The following ARHGAP31 variants were observed in gnomAD, a reference collection of about 807,000 sequenced individuals.
ARHGAP31 encodes the protein Rho GTPase activating protein 31, also known as rho GTPase-activating protein 31.
ARHGAP31 carries 34 observed loss-of-function variants against 113.9 expected under a neutral mutation model. The ratio of observed to expected loss-of-function variants is 0.30; its 90% CI spans 0.23 to 0.40. ARHGAP31 has a LOEUF of 0.40. Among genes scored for constraint, ARHGAP31 ranks in the 10% least tolerant of loss-of-function variants. The pLI is 1.00. For synonymous variants in ARHGAP31, 650 were observed against 684.8 expected, an observed-to-expected ratio of 0.95 and a Z score of 0.79; for missense variants, 1,548 against 1,767.1, an observed-to-expected ratio of 0.88 and a Z score of 2.22.
intron 1 of ARHGAP31, among the ~76,000 whole-genome samples, chr3:119,349,150 G>A (rs2080088708): frequency 6.6e-6 from 1 of 152,038 alleles, no homozygotes; most frequent in South Asian, 2.1e-4. Context: ...TCTCTCTGCA[G>A]AAAGCATATC....
At position 119,315,239 on chromosome 3, in the gene ARHGAP31, C is replaced by CA. The variant is rs2079719354; in HGVS notation, c.100+20237dup. ...TAATAATGTTTATAGTTTGAAAAACCAACAAGAATATTTTCATTTTATAAA... is the reference window on the plus strand; with the variant it reads ...TAATAATGTTTATAGTTTGAAAAACCAAACAAGAATATTTTCATTTTATAAA... On this transcript the variant is annotated intron_variant, in intron 1 of 11. Coordinates refer to ENST00000264245, the MANE Select transcript of ARHGAP31 (RefSeq NM_020754.4). Among the ~76,000 whole-genome samples the CA allele has an allele frequency of 2.0e-5, 3 of 152,222 alleles. No individual in the cohort carries two copies. The South Asian group carries it at 6.2e-4, about 32-fold the overall frequency.
At chr3:119,390,566 C>T (rs2107635397) in intron 6 of ARHGAP31, among the ~76,000 whole-genome samples, 1 of 152,322 alleles carries the variant, frequency 6.6e-6, no homozygotes, top group Middle Eastern at 3.4e-3. Flanking sequence ...GTGCAGCTAC[C>T]TCCTGAAGCC....
In ARHGAP31 at chr3:119,415,057, G is replaced by A. The variant is rs768824252; in HGVS notation, c.3128G>A (p.Gly1043Glu). 4.3e-6 allele frequency: 7 copies of A among 1,614,072 alleles called. No homozygotes were observed. The African/African-American group carries it at 6.7e-5, about 15-fold the overall frequency. Residue 1043 changes from glycine (G) to glutamate (E), a missense_variant, in exon 12 of 12, where the codon GGA (glycine) becomes GAA (glutamate). Coordinates refer to ENST00000264245, the MANE Select transcript of ARHGAP31 (RefSeq NM_020754.4). ...ACCAGCCCCATCAGCCTAGCAGAGG[G>A]AAAGGAGCTAGGGACACACCTGGGG... is the stretch of plus-strand genomic sequence containing the variant. ...AETSPISLAE[G>E]KELGTHLGHS...
intron 1 of ARHGAP31, among the ~76,000 whole-genome samples, chr3:119,337,578 G>T (rs2107610939): frequency 6.6e-6 from 1 of 152,308 alleles, no homozygotes; most frequent in Non-Finnish European, 1.5e-5. Context: ...CCCACATCCT[G>T]CTGATTGGTC....
chr3:119,310,899 G>A (rs555143365), intron 1 of ARHGAP31, among the ~76,000 whole-genome samples: 5 of 152,220 alleles, frequency 3.3e-5, no homozygotes, highest in South Asian at 4.1e-4. Context: ...CCCTAAATTG[G>A]AATTAACTGA....
chr3:119,325,761 C>T (rs1055826065), intron 1 of ARHGAP31, among the ~76,000 whole-genome samples: 2 of 152,172 alleles, frequency 1.3e-5, no homozygotes, highest in African/African-American at 4.8e-5. Context: ...GAGAGAGGAG[C>T]TACCAGTAAT....
intron 1 of ARHGAP31, among the ~76,000 whole-genome samples, chr3:119,348,181 C>T (rs2080077511): frequency 6.6e-6 from 1 of 152,188 alleles, no homozygotes; most frequent in Admixed American, 6.5e-5. Context: ...TTGCAGGCTC[C>T]TTGTGAGAAT....
At chr3:119,400,721 T>C (rs2080597052) in intron 9 of ARHGAP31, among the ~76,000 whole-genome samples, 1 of 152,176 alleles carries the variant, frequency 6.6e-6, no homozygotes, top group Admixed American at 6.5e-5. Context: ...TACAGGGTGG[T>C]CATAAGAATT....
chr3:119,379,511 C>A (rs1268297850), intron 3 of ARHGAP31, among the ~76,000 whole-genome samples: 1 of 152,192 alleles, frequency 6.6e-6, no homozygotes, highest in Non-Finnish European at 1.5e-5. Flanking sequence ...AAAGGTTGAA[C>A]AGAGGTGAGC....
chr3:119,329,417 G>T (rs1025987491), intron 1 of ARHGAP31, among the ~76,000 whole-genome samples: 1 of 152,128 alleles, frequency 6.6e-6, no homozygotes, highest in Non-Finnish European at 1.5e-5. Context: ...TTGTGAGTGG[G>T]AGCAGCTAAA....
At chr3:119,382,487 G>A in intron 5 of ARHGAP31, 88 bp downstream of exon 5, 3 of 1,331,736 alleles carry the variant, frequency 2.3e-6, no homozygotes, top group Non-Finnish European at 3.2e-6. Flanking sequence ...TCAAATTGAA[G>A]CCCCTTTAAA....
intron 5 of ARHGAP31, 45 bp from the exon 6 acceptor site, chr3:119,383,039 T>A: frequency 6.3e-7 from 1 of 1,592,874 alleles, no homozygotes; most frequent in Non-Finnish European, 8.5e-7. Flanking sequence ...TGCTTCAGGT[T>A]GTAAGGCAAA....
chr3:119,298,371 A>T (rs2079551770), intron 1 of ARHGAP31, among the ~76,000 whole-genome samples: 1 of 152,190 alleles, frequency 6.6e-6, no homozygotes, highest in Non-Finnish European at 1.5e-5. Context: ...AACGAAAACC[A>T]CATCATGTTG....
intron 1 of ARHGAP31, among the ~76,000 whole-genome samples, chr3:119,335,970 C>T (rs1037211171): frequency 1.3e-4 from 20 of 152,054 alleles, no homozygotes; most frequent in Non-Finnish European, 2.9e-5. Context: ...GTCAGGAGGT[C>T]GAGACCAGCC....
At chr3:119,297,246 TG>T (rs1160652707) in intron 1 of ARHGAP31, among the ~76,000 whole-genome samples, 2 of 152,216 alleles carry the variant, frequency 1.3e-5, no homozygotes, top group Non-Finnish European at 2.9e-5. Context: ...TCAGTGCTAA[TG>T]GTTTTCTCTA....
At chr3:119,368,632 C>A in intron 3 of ARHGAP31, 116 bp downstream of exon 3, 2 of 1,328,636 alleles carry the variant, frequency 1.5e-6, no homozygotes, top group Non-Finnish European at 2.1e-6. Context: ...ATTATCTTAG[C>A]GTGGTGAGGG....
chr3:119,325,016 G>A, intron 1 of ARHGAP31: 3 of 455,322 alleles, frequency 6.6e-6, no homozygotes, highest in African/African-American at 2.0e-5. Flanking sequence ...CTTATATGAT[G>A]CCGTCTTAAA....
chr3:119,341,226 G>T (rs1045603316), intron 1 of ARHGAP31, among the ~76,000 whole-genome samples: 1 of 152,202 alleles, frequency 6.6e-6, no homozygotes, highest in Non-Finnish European at 1.5e-5. Context: ...GAGTTAGACA[G>T]ATGGTCCTAA....
intron 8 of ARHGAP31, among the ~76,000 whole-genome samples, chr3:119,397,777 G>A (rs2107638564): frequency 6.6e-6 from 1 of 152,308 alleles, no homozygotes; most frequent in Non-Finnish European, 1.5e-5. Flanking sequence ...GCTCAATTTT[G>A]GTTAAAGCCA....
Sources: allele counts gnomAD v4.1 joint callset (sites outside exome capture counted in the v4.1 genomes callset), GRCh38; gene constraint gnomAD v4.1.1; transcripts MANE v1.5; gene names NCBI Gene and HGNC (gene_info 2026-07-23, HGNC 2026-07-21).